ADAM28: variants seen among roughly 807,000 people sequenced by gnomAD.
The protein encoded by ADAM28 is disintegrin and metalloproteinase domain-containing protein 28.
A neutral mutation model predicts 101.2 loss-of-function variants in ADAM28; 105 were observed. The ratio of observed to expected loss-of-function variants is 1.04; its 90% CI spans 0.89 to 1.22. ADAM28 has a LOEUF of 1.22. Among genes scored for constraint, ADAM28 ranks in the 50% most tolerant of loss-of-function variants. ADAM28 has a pLI of 0.00. For missense variants in ADAM28, 1,028 were observed against 945.4 expected (o/e 1.09, Z -1.15); for synonymous variants, 322 against 310.6 (o/e 1.04, Z -0.39).
At chr8:24,319,675 CTT>C (rs756141678) in intron 6 of ADAM28, among the ~76,000 whole-genome samples, 4 of 144,802 alleles carry the variant, frequency 2.8e-5, no homozygotes, top group Admixed American at 6.9e-5. Flanking sequence ...CACTATGTAA[CTT>C]TTTTTTTTTT....
At position 24,331,149 on chromosome 8, in the gene ADAM28, G is replaced by A. The variant is rs550457914; in HGVS notation, c.1104-1G>A. On this transcript the variant is annotated splice_acceptor_variant, in intron 11 of 22. Coordinates refer to ENST00000265769, the MANE Select transcript of ADAM28 (RefSeq NM_014265.6). LOFTEE classifies it high-confidence loss of function. Reference sequence around the variant, plus strand: ...CAGTTTTTCTTTCCTTATCTTCACAGCTTCTATATACCCACAGACTTCAGT... The same window carrying A: ...CAGTTTTTCTTTCCTTATCTTCACAACTTCTATATACCCACAGACTTCAGT... The A allele has an allele frequency of 2.5e-6, 4 of 1,604,692 alleles. No individual in the cohort carries two copies. The Admixed American group carries it at 6.8e-5, about 27-fold the overall frequency.
chr8:24,351,431 A>T, intron 20 of ADAM28, 121 bp downstream of exon 20: 2 of 1,037,096 alleles, frequency 1.9e-6, no homozygotes, highest in Non-Finnish European at 3.0e-6. Flanking sequence ...CACATTCAGA[A>T]ATGTCTCCTT....
chr8:24,353,771 A>G lies in ADAM28; in HGVS notation c.2246A>G (p.His749Arg), dbSNP rs767658078. ...CCATTGTTTTTATAATTAACGTAGC[A>G]TAAAGACACAAACGCACTTCCCCCT... is the stretch of plus-strand genomic sequence containing the variant. The part of the protein sequence containing the change: ...VEGNEPPASF[H>R]KDTNALPPTV... The change falls in exon 22 of 23, where the codon CAT becomes CGT. Residue 749 changes from histidine to arginine, a missense_variant and splice_region_variant. Coordinates refer to ENST00000265769, the MANE Select transcript of ADAM28 (RefSeq NM_014265.6). 1 of 1,498,100 alleles carries G rather than the reference A, an allele frequency of 6.7e-7. No homozygotes were observed. The highest frequency in any genetic ancestry group is 1.1e-5 in the South Asian group (1 of 88,644). 92.8% of individuals were successfully genotyped at this position (1,498,100 alleles called of 1,614,324 possible). A position where few individuals can be genotyped will look rare whatever the true frequency, so the allele number is the denominator to read the frequency against.
In ADAM28 at chr8:24,323,931, T is replaced by C; in HGVS notation, c.818T>C (p.Leu273Ser). 1.2e-6 allele frequency: 2 copies of C among 1,612,258 alleles called. No individual in the cohort carries two copies. Among genetic ancestry groups the C allele is most frequent in the Non-Finnish European group, 1.7e-6 (2 of 1,178,832 alleles). The change falls in exon 9 of 23, where the codon TTG becomes TCG. Residue 273 changes from leucine to serine, a missense_variant. Transcript: ENST00000265769. Reference sequence around the variant, plus strand: ...ATAACCCCAAATGCAAGCTTCACCTTGGAGAATTTTTCTAAATGGAGGGGG... The same window carrying C: ...ATAACCCCAAATGCAAGCTTCACCTCGGAGAATTTTTCTAAATGGAGGGGG... ...IKITPNASFT[L>S]ENFSKWRGSV...
In ADAM28 at chr8:24,351,950, T is replaced by C. The variant is rs755007207; in HGVS notation, c.2179-37T>C. 40 of 1,606,760 alleles carry C rather than the reference T, an allele frequency of 2.5e-5. 1 individual carries two copies. In the South Asian group the frequency reaches 4.3e-4, roughly 17 times the overall value. ...TACTTAAAAACTGTGCTTATGAAAC[T>C]AATGGTTCATTTTGAAATATTCGTT... is the stretch of plus-strand genomic sequence containing the variant. On this transcript the variant is annotated intron_variant, in intron 20 of 22. Coordinates refer to ENST00000265769, the MANE Select transcript of ADAM28 (RefSeq NM_014265.6).
At chr8:24,294,599 A>C (rs1219131986) in intron 1 of ADAM28, among the ~76,000 whole-genome samples, 1 of 152,182 alleles carries the variant, frequency 6.6e-6, no homozygotes, top group Admixed American at 6.5e-5. Flanking sequence ...TTAGGAAAAT[A>C]CCTACTATTA....
rs1339629406 is a variant in ADAM28, at chr8:24,354,645, A to G, written c.*241A>G. The G allele has an allele frequency of 8.0e-6, 3 of 375,836 alleles. No homozygotes were observed. The Admixed American group carries it at 1.4e-4, about 18-fold the overall frequency. 23.3% of individuals were successfully genotyped at this position (375,836 alleles called of 1,614,324 possible). ...ATCCATTCTTATAAGAAGGAAGATG[A>G]TTGTAAAGAAATATCTCCGAAGTTA... On this transcript the variant is annotated 3_prime_UTR_variant, in exon 23 of 23. Transcript: ENST00000265769.
chr8:24,296,834 G>T (rs1808031506), intron 1 of ADAM28, among the ~76,000 whole-genome samples: 1 of 152,214 alleles, frequency 6.6e-6, no homozygotes, highest in Non-Finnish European at 1.5e-5. Context: ...AGTTGTGTTT[G>T]TTCCTCAGGC....
In ADAM28 at chr8:24,332,646, C is replaced by G. The variant is rs370816667; in HGVS notation, c.1282-14C>G. 5 of 1,425,396 alleles carry G rather than the reference C, an allele frequency of 3.5e-6. No homozygotes were observed. In the African/African-American group the frequency reaches 7.2e-5, roughly 20 times the overall value. The allele number at this position is 1,425,396 out of a possible 1,614,324, so 88.3% of individuals were successfully genotyped here. ...AGTAATGTTGCATTTACATTTGTTT[C>G]TCATATTTCTTAGGAATGTACCAAT... On this transcript the variant is annotated splice_polypyrimidine_tract_variant and intron_variant, in intron 12 of 22. Coordinates refer to ENST00000265769, the MANE Select transcript of ADAM28 (RefSeq NM_014265.6).
intron 13 of ADAM28, among the ~76,000 whole-genome samples, chr8:24,334,724 G>T (rs1453982751): frequency 1.3e-5 from 2 of 152,156 alleles, no homozygotes; most frequent in Non-Finnish European, 2.9e-5. Context: ...TTGACGCATT[G>T]AAAACATACC....
chr8:24,329,995 A>T lies in ADAM28; in HGVS notation c.983A>T (p.Asp328Val), dbSNP rs1420107397. ...CTTTCATACCTTTAGGACCACAGCGATAATCTTCTTAGAGTTGCAGGGACA... is the reference window on the plus strand; with the variant it reads ...CTTTCATACCTTTAGGACCACAGCGTTAATCTTCTTAGAGTTGCAGGGACA... Reference protein sequence around the residue: ...YSVGVVQDHSDNLLRVAGTMA... With the variant: ...YSVGVVQDHSVNLLRVAGTMA... Residue 328 changes from aspartate to valine, a missense_variant, in exon 11 of 23, where the codon GAT (aspartate) becomes GTT (valine). By Grantham distance (152) the Asp-to-Val change is radical. Coordinates refer to ENST00000265769, the MANE Select transcript of ADAM28 (RefSeq NM_014265.6). The T allele has an allele frequency of 1.9e-6, 3 of 1,613,066 alleles. No homozygotes were observed. The highest frequency in any genetic ancestry group is 1.7e-5 in the Admixed American group (1 of 59,904).
intron 10 of ADAM28, 91 bp downstream of exon 10, chr8:24,326,726 CTG>C: frequency 8.0e-7 from 1 of 1,254,644 alleles, no homozygotes; most frequent in Non-Finnish European, 1.1e-6. Flanking sequence ...TAGTTTTTCT[CTG>C]TAGTCTGTTG....
At chr8:24,326,658 G>C in intron 10 of ADAM28, 23 bp downstream of exon 10, 1 of 1,589,640 alleles carries the variant, frequency 6.3e-7, no homozygotes, top group Non-Finnish European at 8.6e-7. Flanking sequence ...ATAAACTGTT[G>C]GTTCTATGAT....
intron 20 of ADAM28, chr8:24,351,608 T>A: frequency 4.0e-6 from 2 of 496,612 alleles, no homozygotes. Flanking sequence ...ACACACACAC[T>A]CCCTCTAGCT....
At position 24,296,115 on chromosome 8, in the gene ADAM28, A is replaced by G. The variant is rs1225580627; in HGVS notation, c.46+1920A>G. 3 of 152,362 alleles carry G rather than the reference A, an allele frequency of 2.0e-5. No homozygotes were observed. In the East Asian group the frequency reaches 5.8e-4, roughly 29 times the overall value. 9.4% of individuals were successfully genotyped at this position (152,362 alleles called of 1,614,324 possible). Reference sequence around the variant, plus strand: ...TGTGACAGGTGTTTGCGGGGTGAAGATGTAAATGATTGCATCAACAAAGGA... The same window carrying G: ...TGTGACAGGTGTTTGCGGGGTGAAGGTGTAAATGATTGCATCAACAAAGGA... On this transcript the variant is annotated intron_variant, in intron 1 of 22. Transcript: ENST00000265769.
intron 10 of ADAM28, 122 bp from the exon 11 acceptor site, chr8:24,329,862 TG>T: frequency 5.7e-6 from 5 of 882,754 alleles, no homozygotes; most frequent in Non-Finnish European, 8.8e-6. Flanking sequence ...TGTGTGTGTG[TG>T]TGTGTTTGTG....
Position 24,300,041 on chromosome 8 carries a change from A to G in ADAM28, c.114A>G (p.Pro38=), listed in dbSNP as rs369332654. Residue 38 remains proline (P), a synonymous_variant, in exon 2 of 23, where the codon CCA becomes CCG. Coordinates refer to ENST00000265769, the MANE Select transcript of ADAM28 (RefSeq NM_014265.6). ...TGGTTTATCCTATAAGACTTCATCC[A>G]CTGCATAAAAGAGAGGCCAAAGAGC... ...YEVVYPIRLH[P]LHKREAKEPE... 184 of 1,613,730 alleles carry G rather than the reference A, an allele frequency of 1.1e-4. No individual in the cohort carries two copies. The highest frequency in any genetic ancestry group is 1.5e-4 in the Non-Finnish European group (178 of 1,180,012).
In ADAM28 at chr8:24,330,102, GA is replaced by G. The variant is rs1187918184; in HGVS notation, c.1091del (p.Asp364AlafsTer4). ...CKCPSTICVM[D>X]KALSFYIPTD... Reference sequence around the variant, plus strand: ...GTGTCCTTCTACAATATGTGTGATGGACAAAGCACTGAGGTGAGGCTCTCTG... The same window carrying G: ...GTGTCCTTCTACAATATGTGTGATGGCAAAGCACTGAGGTGAGGCTCTCTG... On this transcript the variant is annotated frameshift_variant, in exon 11 of 23. Coordinates refer to ENST00000265769, the MANE Select transcript of ADAM28 (RefSeq NM_014265.6). LOFTEE classifies it high-confidence loss of function. 3.1e-6 allele frequency: 5 copies of G among 1,613,210 alleles called. No individual in the cohort carries two copies. In the African/African-American group the frequency reaches 6.7e-5, roughly 22 times the overall value.
At chr8:24,298,120 C>T (rs1378799548) in intron 1 of ADAM28, among the ~76,000 whole-genome samples, 2 of 152,142 alleles carry the variant, frequency 1.3e-5, no homozygotes, top group Non-Finnish European at 2.9e-5. Context: ...AAATCATAAA[C>T]CACTTGAACT....
Sources: gnomAD v4.1 joint callset for allele counts (sites outside exome capture counted in the v4.1 genomes callset) on GRCh38, gnomAD v4.1.1 for gene constraint, MANE v1.5 for transcripts, NCBI Gene and HGNC (gene_info 2026-07-23, HGNC 2026-07-21) for gene names.